Variants in CCDC138 observed in about 807,000 individuals in gnomAD.
CCDC138 encodes the protein coiled-coil domain containing 138.
A neutral mutation model predicts 82.3 loss-of-function variants in CCDC138; 66 were observed. The observed-to-expected ratio is 0.80, with a 90% CI of 0.66 to 0.98. The LOEUF (loss-of-function observed/expected upper bound fraction) is 0.98, where lower values mean the gene tolerates loss of function less well. Ranked by LOEUF, CCDC138 falls within the 50% of genes least tolerant of loss-of-function variation. The pLI is 0.00. For missense variants in CCDC138, 816 were observed against 758.9 expected, an observed-to-expected ratio of 1.08 and a Z score of -0.88; for synonymous variants, 297 against 265.4, an observed-to-expected ratio of 1.12 and a Z score of -1.16.
intron 13 of CCDC138, among the ~76,000 whole-genome samples, chr2:108,861,453 A>G (rs1458686445): frequency 1.4e-5 from 2 of 144,894 alleles, no homozygotes; most frequent in Non-Finnish European, 3.0e-5. Context: ...GTAGACATTT[A>G]GCACTATAAA....
intron 12 of CCDC138, among the ~76,000 whole-genome samples, chr2:108,853,690 C>G (rs1691921984): frequency 6.7e-6 from 1 of 149,498 alleles, no homozygotes; most frequent in Non-Finnish European, 1.5e-5. Context: ...CGATGACCAT[C>G]TAATTTTTTA....
At chr2:108,843,067 C>T (rs1689782719) in intron 11 of CCDC138, among the ~76,000 whole-genome samples, 1 of 152,002 alleles carries the variant, frequency 6.6e-6, no homozygotes, top group South Asian at 2.1e-4. Flanking sequence ...TTACTATGTT[C>T]TTCTCTCCTT....
chr2:108,856,347 C>A (rs1324026690), intron 12 of CCDC138, among the ~76,000 whole-genome samples: 1 of 152,130 alleles, frequency 6.6e-6, no homozygotes, highest in East Asian at 1.9e-4. Flanking sequence ...TATTTAAAAT[C>A]CATTTAGCAC....
intron 10 of CCDC138, among the ~76,000 whole-genome samples, chr2:108,820,311 C>T (rs900706436): frequency 3.3e-5 from 5 of 151,980 alleles, no homozygotes; most frequent in African/African-American, 9.7e-5. Context: ...AGAAAAGTGA[C>T]GACAGTCTGA....
At chr2:108,845,633 G>C (rs1690317291) in intron 11 of CCDC138, among the ~76,000 whole-genome samples, 1 of 147,796 alleles carries the variant, frequency 6.8e-6, no homozygotes, top group South Asian at 2.1e-4. Flanking sequence ...GTGCAGTGGT[G>C]CGACCTCGGC....
intron 12 of CCDC138, among the ~76,000 whole-genome samples, chr2:108,853,193 T>C (rs1436188990): frequency 6.6e-6 from 1 of 152,210 alleles, no homozygotes; most frequent in Non-Finnish European, 1.5e-5. Context: ...TCTTGGACTT[T>C]GCTGGCATTG....
Position 108,791,668 on chromosome 2 carries a change from T to G in CCDC138, c.267-7T>G. 1 of 1,602,350 alleles carries G rather than the reference T, an allele frequency of 6.2e-7. No homozygotes were observed. Among genetic ancestry groups the G allele is most frequent in the Non-Finnish European group, 8.5e-7 (1 of 1,173,398 alleles). On this transcript the variant is annotated splice_region_variant and splice_polypyrimidine_tract_variant and intron_variant, in intron 3 of 14. Coordinates refer to ENST00000295124, the MANE Select transcript of CCDC138 (RefSeq NM_144978.3). ...TAGATTGCTGTGATACAATTATTTT[T>G]TTAAAGCCTAGATGATGAACTGGAT...
At chr2:108,820,980 T>C (rs1685598051) in intron 10 of CCDC138, among the ~76,000 whole-genome samples, 1 of 150,816 alleles carries the variant, frequency 6.6e-6, no homozygotes, top group South Asian at 2.1e-4. Context: ...TGTAAGTTGA[T>C]TTTTAATTCT....
intron 14 of CCDC138, 92 bp from the exon 15 acceptor site, chr2:108,875,996 C>T: frequency 9.7e-6 from 7 of 724,524 alleles, no homozygotes; most frequent in Non-Finnish European, 1.5e-5. Context: ...GATGCCATTT[C>T]CTCATGTTTA....
At chr2:108,829,661 G>A (rs1028505062) in intron 10 of CCDC138, among the ~76,000 whole-genome samples, 10 of 152,180 alleles carry the variant, frequency 6.6e-5, no homozygotes, top group African/African-American at 2.4e-4. Flanking sequence ...CATGGGAATC[G>A]CTTGAACCTG....
chr2:108,864,307 G>A (rs1014731976), intron 13 of CCDC138, among the ~76,000 whole-genome samples: 1 of 152,086 alleles, frequency 6.6e-6, no homozygotes, highest in African/African-American at 2.4e-5. Flanking sequence ...AAAGATTAAA[G>A]TTCTCTAGCT....
chr2:108,787,060 G>A, intron 1 of CCDC138, 145 bp downstream of exon 1: 1 of 429,870 alleles, frequency 2.3e-6, no homozygotes, highest in Non-Finnish European at 3.9e-6. Flanking sequence ...TGGGCCTCGT[G>A]GAAGCAGGCG....
chr2:108,811,601 C>T (rs754405046), intron 7 of CCDC138, among the ~76,000 whole-genome samples: 14 of 151,900 alleles, frequency 9.2e-5, no homozygotes, highest in Admixed American at 4.6e-4. Flanking sequence ...TTCAAAAAGC[C>T]ACTTTTCATT....
At chr2:108,819,928 CA>C (rs1685386093) in intron 10 of CCDC138, among the ~76,000 whole-genome samples, 1 of 152,014 alleles carries the variant, frequency 6.6e-6, no homozygotes, top group Non-Finnish European at 1.5e-5. Flanking sequence ...AAAGAGAACA[CA>C]AAAAACTAAG....
intron 12 of CCDC138, among the ~76,000 whole-genome samples, chr2:108,850,850 A>C (rs1691356386): frequency 6.6e-6 from 1 of 151,788 alleles, no homozygotes; most frequent in African/African-American, 2.4e-5. Context: ...ACAGAAGAAG[A>C]CTTCTGTGAC....
intron 6 of CCDC138, among the ~76,000 whole-genome samples, chr2:108,800,680 G>C (rs1437843259): frequency 8.6e-6 from 1 of 115,924 alleles, no homozygotes; most frequent in Non-Finnish European, 1.7e-5. Context: ...ACATTGTGCA[G>C]GTTAGTTACA....
intron 13 of CCDC138, among the ~76,000 whole-genome samples, chr2:108,870,879 T>A (rs1695130250): frequency 6.6e-6 from 1 of 152,150 alleles, no homozygotes; most frequent in South Asian, 2.1e-4. Context: ...TGGAAAAAAC[T>A]CTGGAGATGG....
chr2:108,837,098 A>G lies in CCDC138; in HGVS notation c.1207-2087A>G, dbSNP rs555888637. Among the ~76,000 whole-genome samples, 4 of 152,220 alleles carry G rather than the reference A, an allele frequency of 2.6e-5. No homozygotes were observed. In the South Asian group the frequency reaches 8.3e-4, roughly 32 times the overall value. ...GGTACTATAGTGAACAGAAGTGGTGAGGGTGTGCTTGTCTTGTTCCTGATT... is the reference window on the plus strand; with the variant it reads ...GGTACTATAGTGAACAGAAGTGGTGGGGGTGTGCTTGTCTTGTTCCTGATT... On this transcript the variant is annotated intron_variant, in intron 10 of 14. Coordinates refer to ENST00000295124, the MANE Select transcript of CCDC138 (RefSeq NM_144978.3).
At chr2:108,827,643 C>T (rs1419010550) in intron 10 of CCDC138, among the ~76,000 whole-genome samples, 3 of 151,750 alleles carry the variant, frequency 2.0e-5, no homozygotes, top group African/African-American at 7.3e-5. Context: ...AGTGAAACCC[C>T]GTCTCTACTA....
Sources: gnomAD v4.1 joint callset for allele counts (sites outside exome capture counted in the v4.1 genomes callset) on GRCh38, gnomAD v4.1.1 for gene constraint, MANE v1.5 for transcripts, NCBI Gene and HGNC (gene_info 2026-07-23, HGNC 2026-07-21) for gene names.